The following LRP1B variants were observed in gnomAD, a reference collection of about 807,000 sequenced individuals.
The protein encoded by LRP1B is LDL receptor related protein 1B.
A neutral mutation model predicts 556.6 loss-of-function variants in LRP1B; 217 were observed. The observed-to-expected ratio is 0.39, with a 90% CI of 0.35 to 0.44. The LOEUF (loss-of-function observed/expected upper bound fraction) is 0.44, where lower values mean the gene tolerates loss of function less well. Ranked by LOEUF, LRP1B falls within the 20% of genes least tolerant of loss-of-function variation. LRP1B has a pLI of 1.00. For missense variants in LRP1B, 5,053 were observed against 5,620.8 expected (o/e 0.90, Z 3.23); for synonymous variants, 2,047 against 1,865.8 (o/e 1.10, Z -2.50).
rs184352705 is a variant in LRP1B, at chr2:141,882,856, C to T, written c.83-72455G>A. ...TCAAAGTGCAGGGGTTATAGGCACA[C>T]ATTCTGTTTTTTTTATCTTGAGGTA... On this transcript the variant is annotated intron_variant, in intron 1 of 90. Coordinates refer to ENST00000389484, the MANE Select transcript of LRP1B (RefSeq NM_018557.3). Among the ~76,000 whole-genome samples the T allele has an allele frequency of 1.1e-4, 17 of 152,192 alleles. No individual in the cohort carries two copies. In the East Asian group the frequency reaches 1.6e-3, roughly 14 times the overall value.
chr2:141,782,018 T>G (rs1695271404), intron 2 of LRP1B, among the ~76,000 whole-genome samples: 1 of 152,172 alleles, frequency 6.6e-6, no homozygotes. Flanking sequence ...CTCTGACCTA[T>G]TTTACCATAC....
chr2:141,945,146 T>C (rs1415848826), intron 1 of LRP1B, among the ~76,000 whole-genome samples: 1 of 151,536 alleles, frequency 6.6e-6, no homozygotes, highest in Non-Finnish European at 1.5e-5. Flanking sequence ...CTTAGCCCCA[T>C]AATATTTTCC....
At chr2:141,585,609 C>T (rs1386516209) in intron 2 of LRP1B, among the ~76,000 whole-genome samples, 4 of 151,936 alleles carry the variant, frequency 2.6e-5, no homozygotes, top group African/African-American at 4.8e-5. Context: ...GTGTGTGTGC[C>T]TATTTCATGT....
At chr2:141,276,806 G>A (rs1192794228) in intron 3 of LRP1B, among the ~76,000 whole-genome samples, 1 of 151,798 alleles carries the variant, frequency 6.6e-6, no homozygotes, top group Non-Finnish European at 1.5e-5. Context: ...ACAAGCGGCC[G>A]CCACCACGCC....
At chr2:141,318,957 T>C (rs1202437215) in intron 3 of LRP1B, among the ~76,000 whole-genome samples, 1 of 152,090 alleles carries the variant, frequency 6.6e-6, no homozygotes, top group Non-Finnish European at 1.5e-5. Context: ...TCAATTTTAC[T>C]ATAGCCTTCT....
chr2:141,755,411 A>G (rs1055037846), intron 2 of LRP1B, among the ~76,000 whole-genome samples: 2 of 152,068 alleles, frequency 1.3e-5, no homozygotes, highest in African/African-American at 4.8e-5. Context: ...GAGGAAAAAA[A>G]TTAGCTTAAA....
intron 1 of LRP1B, among the ~76,000 whole-genome samples, chr2:141,929,260 G>A (rs1286292750): frequency 2.0e-5 from 3 of 152,018 alleles, no homozygotes; most frequent in South Asian, 4.1e-4. Context: ...TAACGTACAC[G>A]ACCATTCCTT....
intron 1 of LRP1B, among the ~76,000 whole-genome samples, chr2:142,128,837 A>G (rs372493360): frequency 1.4e-4 from 21 of 152,266 alleles, no homozygotes; most frequent in African/African-American, 4.6e-4. Flanking sequence ...ACCAAATATA[A>G]TCCTCTTAGT....
chr2:141,367,618 G>A (rs1299469641), intron 3 of LRP1B, among the ~76,000 whole-genome samples: 1 of 151,018 alleles, frequency 6.6e-6, no homozygotes, highest in African/African-American at 2.4e-5. Flanking sequence ...AAGTAGCTGG[G>A]ACTACAGGTG....
rs34282756 is a variant in LRP1B, at chr2:140,716,095, T to C, written c.5901A>G (p.Ile1967Met). ...AGTTGAAACCATGATCTGTCCAATA[T>C]ATGTTACCTAGGAGAAATAATAGAG... ...GIAVDWIAGN[I>M]YWTDHGFNLI... Residue 1967 changes from isoleucine (I) to methionine (M), a missense_variant, in exon 37 of 91, where the codon ATA (isoleucine) becomes ATG (methionine). Physicochemically the swap from Ile to Met is conservative, Grantham distance 10. Transcript: ENST00000389484. 4.3e-4 allele frequency: 683 copies of C among 1,593,898 alleles called. 7 individuals carry two copies. The African/African-American group carries it at 7.8e-3, about 18-fold the overall frequency.
chr2:140,489,201 T>G (rs958793079), intron 57 of LRP1B, among the ~76,000 whole-genome samples: 1 of 151,988 alleles, frequency 6.6e-6, no homozygotes, highest in African/African-American at 2.4e-5. Flanking sequence ...AGGTTCAAAT[T>G]TTATGCTTTT....
chr2:141,561,401 T>A (rs1686142795), intron 2 of LRP1B, among the ~76,000 whole-genome samples: 1 of 151,840 alleles, frequency 6.6e-6, no homozygotes, highest in East Asian at 1.9e-4. Context: ...TTATCTGTGT[T>A]CAAAATAAAT....
At chr2:140,769,741 C>G (rs1335132177) in intron 34 of LRP1B, among the ~76,000 whole-genome samples, 1 of 151,948 alleles carries the variant, frequency 6.6e-6, no homozygotes, top group East Asian at 1.9e-4. Context: ...ATTCCCTCTT[C>G]TTTAAAATCC....
chr2:141,902,173 T>TTAA (rs924340981), intron 1 of LRP1B, among the ~76,000 whole-genome samples: 2 of 151,194 alleles, frequency 1.3e-5, no homozygotes, highest in African/African-American at 4.9e-5. Flanking sequence ...AATATACATA[T>TTAA]TAATAATAAT....
intron 2 of LRP1B, among the ~76,000 whole-genome samples, chr2:141,568,954 G>A (rs984754887): frequency 6.7e-6 from 1 of 149,366 alleles, no homozygotes; most frequent in African/African-American, 2.4e-5. Flanking sequence ...TTGTAGTAGA[G>A]ACAGGGTTTC....
At chr2:140,586,632 C>T (rs1681997760) in intron 43 of LRP1B, 3 of 152,266 alleles carry the variant, frequency 2.0e-5, no homozygotes, top group South Asian at 4.1e-4. Flanking sequence ...TCCCACTCTT[C>T]ATCCAGTAGC....
Position 141,394,071 on chromosome 2 carries a change from C to A in LRP1B, c.343+86325G>T, listed in dbSNP as rs183026727. Among the ~76,000 whole-genome samples, 17 of 152,144 alleles carry A rather than the reference C, an allele frequency of 1.1e-4. No homozygotes were observed. In the East Asian group the frequency reaches 3.3e-3, roughly 29 times the overall value. On this transcript the variant is annotated intron_variant, in intron 3 of 90. Transcript: ENST00000389484. ...GTATACTATGTCCCTGACTTAATTT[C>A]TAAATTAAAGTTACTACATTTAAAA...
At chr2:140,845,420 A>T (rs567928821) in intron 29 of LRP1B, among the ~76,000 whole-genome samples, 1 of 152,318 alleles carries the variant, frequency 6.6e-6, no homozygotes, top group South Asian at 2.1e-4. Context: ...TCAATAAAAA[A>T]TTCAAGTCTT....
At chr2:140,821,687 A>G (rs955246572) in intron 31 of LRP1B, among the ~76,000 whole-genome samples, 4 of 152,226 alleles carry the variant, frequency 2.6e-5, no homozygotes, top group African/African-American at 9.6e-5. Flanking sequence ...AGATTTCAAG[A>G]AGATGTACTG....
Sources: gnomAD v4.1 joint callset for allele counts (sites outside exome capture counted in the v4.1 genomes callset) on GRCh38, gnomAD v4.1.1 for gene constraint, MANE v1.5 for transcripts, NCBI Gene and HGNC (gene_info 2026-07-23, HGNC 2026-07-21) for gene names.